VWF: variants seen among roughly 807,000 people sequenced by gnomAD.
VWF encodes the protein Factor VIII related antigen.
Under a neutral mutation model 308.6 loss-of-function variants are expected in VWF, and 176 were observed. The ratio of observed to expected loss-of-function variants is 0.57; its 90% CI spans 0.50 to 0.65. The LOEUF (loss-of-function observed/expected upper bound fraction) is 0.65. Ranked by LOEUF, VWF falls within the 30% of genes least tolerant of loss-of-function variation. The probability of loss-of-function intolerance (pLI) is 0.00; values close to 1 mark genes in which losing one functional copy is unlikely to be tolerated. For synonymous variants in VWF, 1,385 were observed against 1,443.4 expected (o/e 0.96, Z 0.92); for missense variants, 3,146 against 3,648.2 (o/e 0.86, Z 3.55).
At chr12:5,968,264 G>C (rs1354458650) in intron 45 of VWF, 97 bp from the exon 46 acceptor site, 3 of 1,480,080 alleles carry the variant, frequency 2.0e-6, no homozygotes, top group Non-Finnish European at 2.8e-6. Flanking sequence ...CTCCGTGTCT[G>C]GGCCTCCCTC....
intron 47 of VWF, among the ~76,000 whole-genome samples, chr12:5,956,445 C>G (rs1943251206): frequency 6.6e-6 from 1 of 151,934 alleles, no homozygotes; most frequent in African/African-American, 2.4e-5. Flanking sequence ...TTATTCCAGC[C>G]CTGCGTAGGC....
At position 6,058,039 on chromosome 12, in the gene VWF, G is replaced by A; in HGVS notation, c.1539C>T (p.Ser513=). ...DGRGRLLVKL[S]PVYAGKTCGL... ...CGCAGGTCTTCCCGGCATAGACGGG[G>A]GACAGCTGCAGGAGAGACCAGGCCA... Residue 513 remains serine, a synonymous_variant, in exon 14 of 52, where the codon TCC becomes TCT. Coordinates refer to ENST00000261405, the MANE Select transcript of VWF (RefSeq NM_000552.5). The surrounding 1 kb of genome is among the most constrained non-coding windows in gnomAD (Gnocchi z 4.9). The A allele has an allele frequency of 1.2e-6, 2 of 1,613,122 alleles. No homozygotes were observed. Among genetic ancestry groups the A allele is most frequent in the Non-Finnish European group, 8.5e-7 (1 of 1,180,028 alleles).
intron 42 of VWF, among the ~76,000 whole-genome samples, chr12:5,977,977 GTC>G (rs1943550932): frequency 6.7e-6 from 1 of 148,796 alleles, no homozygotes; most frequent in Admixed American, 6.7e-5. Flanking sequence ...CTGGGAATAT[GTC>G]TTGTTTTATA....
chr12:5,998,757 C>T (rs1426857973), intron 34 of VWF, among the ~76,000 whole-genome samples: 1 of 151,794 alleles, frequency 6.6e-6, no homozygotes, highest in Admixed American at 6.6e-5. Context: ...AGAGAAGTGT[C>T]ACTCTTGTCA....
chr12:6,074,131 T>C (rs1450564033), intron 7 of VWF, among the ~76,000 whole-genome samples: 5 of 151,958 alleles, frequency 3.3e-5, no homozygotes. Flanking sequence ...GTGCCCTCCA[T>C]CCCATCCCTC....
intron 18 of VWF, among the ~76,000 whole-genome samples, chr12:6,039,400 C>T (rs1270849706): frequency 6.6e-6 from 1 of 152,204 alleles, no homozygotes; most frequent in Non-Finnish European, 1.5e-5. Flanking sequence ...TGAACACCAT[C>T]GTGACCCACT....
intron 5 of VWF, among the ~76,000 whole-genome samples, chr12:6,107,401 G>A (rs1206325025): frequency 6.6e-6 from 1 of 152,186 alleles, no homozygotes; most frequent in Non-Finnish European, 1.5e-5. Context: ...GAATTTTACT[G>A]TCTGTAAATT....
intron 43 of VWF, 118 bp downstream of exon 43, chr12:5,975,993 G>A: frequency 2.1e-6 from 3 of 1,433,900 alleles, no homozygotes; most frequent in Non-Finnish European, 2.8e-6. Flanking sequence ...TCCAGCCTGG[G>A]CGACAGAGCG....
intron 5 of VWF, among the ~76,000 whole-genome samples, chr12:6,099,022 A>G (rs1945133530): frequency 6.6e-6 from 1 of 151,326 alleles, no homozygotes; most frequent in African/African-American, 2.4e-5. Flanking sequence ...AAAAAAATCT[A>G]CTCTAAGAAA....
At chr12:6,097,668 C>T (rs1295914027) in intron 5 of VWF, among the ~76,000 whole-genome samples, 1 of 152,086 alleles carries the variant, frequency 6.6e-6, no homozygotes, top group Non-Finnish European at 1.5e-5. Flanking sequence ...AAACTTCTGA[C>T]CTCCAGAACC....
At chr12:5,987,960 T>C (rs773101983) in intron 38 of VWF, among the ~76,000 whole-genome samples, 29 of 152,218 alleles carry the variant, frequency 1.9e-4, no homozygotes, top group Admixed American at 1.3e-3. Flanking sequence ...ACACTTTAAA[T>C]ATGTGCTGTT....
chr12:6,098,800 AAAAG>A (rs1177921117), intron 5 of VWF, among the ~76,000 whole-genome samples: 1 of 152,014 alleles, frequency 6.6e-6, no homozygotes, highest in African/African-American at 2.4e-5. Context: ...TCAAAAGACA[AAAAG>A]AAAGAGGGGG....
intron 22 of VWF, among the ~76,000 whole-genome samples, chr12:6,027,302 A>ACTCTCTCCC (rs1250081329): frequency 6.6e-6 from 1 of 151,704 alleles, no homozygotes; most frequent in Non-Finnish European, 1.5e-5. Context: ...GTCTGCCTAA[A>ACTCTCTCCC]CTCTCTCCCC....
chr12:5,971,617 G>T lies in VWF; in HGVS notation c.7530C>A (p.Ser2510=), dbSNP rs957989704. The part of the protein sequence containing the change: ...EVVTGSPRGD[S]QSSWKSVGSQ... ...GACCTACACTCTTCCAGGAAGACTG[G>T]GAGTCCCCCCGCGGTGAGCCAGTCA... Residue 2510 remains serine (S), a synonymous_variant, in exon 44 of 52, where the codon TCC becomes TCA. Transcript: ENST00000261405. The T allele has an allele frequency of 2.5e-6, 4 of 1,614,024 alleles. No homozygotes were observed. In the African/African-American group the frequency reaches 4.0e-5, roughly 16 times the overall value.
intron 8 of VWF, 48 bp from the exon 9 acceptor site, chr12:6,072,490 C>G: frequency 6.9e-7 from 1 of 1,445,648 alleles, no homozygotes; most frequent in Non-Finnish European, 9.7e-7. Context: ...GTCATTGCGT[C>G]ACTCATCCCA....
chr12:6,069,643 C>T (rs543161346), intron 10 of VWF, among the ~76,000 whole-genome samples: 138 of 152,312 alleles, frequency 9.1e-4, no homozygotes, highest in Middle Eastern at 3.4e-3. Flanking sequence ...CAACAAAACT[C>T]CCAAACTAGA....
In VWF at chr12:5,985,553, G is replaced by A. The variant is rs1943669957; in HGVS notation, c.6901+10C>T. ...CTCCATGAAGGCACCAGGGAGGGGA[G>A]GACTCTCACCTTTGGCCGTGGGGCA... On this transcript the variant is annotated intron_variant, in intron 39 of 51. Coordinates refer to ENST00000261405, the MANE Select transcript of VWF (RefSeq NM_000552.5). 1 of 1,613,394 alleles carries A rather than the reference G, an allele frequency of 6.2e-7. No individual in the cohort carries two copies. Among genetic ancestry groups the A allele is most frequent in the Non-Finnish European group, 8.5e-7 (1 of 1,179,844 alleles).
At chr12:6,103,164 T>TA (rs1194603544) in intron 5 of VWF, among the ~76,000 whole-genome samples, 1 of 151,606 alleles carries the variant, frequency 6.6e-6, no homozygotes, top group Non-Finnish European at 1.5e-5. Flanking sequence ...CCATCTCTAC[T>TA]AAAAATACAA....
chr12:6,100,580 A>G (rs1194253376), intron 5 of VWF, among the ~76,000 whole-genome samples: 1 of 152,066 alleles, frequency 6.6e-6, no homozygotes, highest in Non-Finnish European at 1.5e-5. Context: ...GGATGAGTTC[A>G]TGTCCTTTGT....
Sources: gnomAD v4.1 joint callset for allele counts (sites outside exome capture counted in the v4.1 genomes callset) on GRCh38, gnomAD v4.1.1 for gene constraint, Gnocchi (gnomAD v3.1) non-coding constraint, MANE v1.5 for transcripts, NCBI Gene and HGNC (gene_info 2026-07-23, HGNC 2026-07-21) for gene names.